IMMP2L: variants seen among roughly 807,000 people sequenced by gnomAD.
The protein encoded by IMMP2L is mitochondrial inner membrane protease subunit 2.
A neutral mutation model predicts 19.3 loss-of-function variants in IMMP2L; 18 were observed. The ratio of observed to expected loss-of-function variants is 0.93; its 90% confidence interval spans 0.64 to 1.38. IMMP2L has a LOEUF of 1.38. IMMP2L is among the 40% of genes most tolerant of loss of function. The pLI is 0.00. For synonymous variants in IMMP2L, 76 were observed against 73.0 expected (o/e 1.04, Z -0.21); for missense variants, 233 against 218.2 (o/e 1.07, Z -0.43).
At chr7:110,755,824 G>A (rs1798006138) in intron 5 of IMMP2L, among the ~76,000 whole-genome samples, 1 of 152,176 alleles carries the variant, frequency 6.6e-6, no homozygotes, top group African/African-American at 2.4e-5. Flanking sequence ...AGGGATTAGA[G>A]GCCATGCAAA....
At chr7:111,036,614 A>T (rs574422788) in intron 3 of IMMP2L, among the ~76,000 whole-genome samples, 8 of 152,280 alleles carry the variant, frequency 5.3e-5, no homozygotes, top group Middle Eastern at 6.8e-3. Flanking sequence ...AAAAGTCTCA[A>T]AACTAAAGTA....
chr7:111,481,597 TG>T (rs1459985933), intron 3 of IMMP2L, among the ~76,000 whole-genome samples: 2 of 150,318 alleles, frequency 1.3e-5, no homozygotes, highest in Non-Finnish European at 2.9e-5. Context: ...AAAAATATTA[TG>T]TTTTTTTTTT....
intron 5 of IMMP2L, among the ~76,000 whole-genome samples, chr7:110,769,143 G>A (rs973394035): frequency 3.3e-5 from 5 of 152,126 alleles, no homozygotes; most frequent in Admixed American, 2.6e-4. Flanking sequence ...CATTTCTTCT[G>A]CTGCTTTTCT....
intron 3 of IMMP2L, among the ~76,000 whole-genome samples, chr7:111,419,738 G>A (rs570831864): frequency 4.0e-5 from 6 of 151,308 alleles, no homozygotes; most frequent in South Asian, 2.1e-4. Context: ...CAGGACCACC[G>A]GAGACCTTGT....
chr7:111,501,751 T>C (rs1361462006), intron 2 of IMMP2L, among the ~76,000 whole-genome samples: 2 of 152,068 alleles, frequency 1.3e-5, no homozygotes, highest in Non-Finnish European at 2.9e-5. Context: ...AGAAATAAAA[T>C]ACTTTACAGA....
At chr7:111,457,474 G>A (rs1200271996) in intron 3 of IMMP2L, among the ~76,000 whole-genome samples, 2 of 152,126 alleles carry the variant, frequency 1.3e-5, no homozygotes, top group African/African-American at 4.8e-5. Flanking sequence ...AAACTAGAAG[G>A]TTTTAAGGAT....
intron 3 of IMMP2L, among the ~76,000 whole-genome samples, chr7:111,240,373 A>G (rs147379332): frequency 6.7e-4 from 102 of 152,100 alleles, no homozygotes; most frequent in African/African-American, 2.3e-3. Context: ...CATTTTACAC[A>G]TAAGAAAAAA....
At position 110,859,415 on chromosome 7, in the gene IMMP2L, A is replaced by G. The variant is rs548408296; in HGVS notation, c.408+27178T>C. Among the ~76,000 whole-genome samples the G allele has an allele frequency of 7.2e-5, 11 of 152,042 alleles. No individual in the cohort carries two copies. In the East Asian group the frequency reaches 2.1e-3, roughly 29 times the overall value. Reference sequence around the variant, plus strand: ...TTCAGAGCAAAATTTGAGACTAAAAAGTTTAGTACAAATATTGATTTTTTG... The same window carrying G: ...TTCAGAGCAAAATTTGAGACTAAAAGGTTTAGTACAAATATTGATTTTTTG... On this transcript the variant is annotated intron_variant, in intron 5 of 5. Coordinates refer to ENST00000405709, the MANE Select transcript of IMMP2L (RefSeq NM_032549.4).
chr7:111,381,380 G>A (rs1191486300), intron 3 of IMMP2L, among the ~76,000 whole-genome samples: 1 of 151,954 alleles, frequency 6.6e-6, no homozygotes, highest in Non-Finnish European at 1.5e-5. Flanking sequence ...CGTGTCTACT[G>A]AGCATTTGAA....
At chr7:111,252,674 T>C (rs891006947) in intron 3 of IMMP2L, among the ~76,000 whole-genome samples, 7 of 152,146 alleles carry the variant, frequency 4.6e-5, no homozygotes, top group African/African-American at 1.7e-4. Flanking sequence ...TAAATTAAAA[T>C]TCTATTTTTG....
chr7:111,016,073 G>T (rs1013989425), intron 3 of IMMP2L, among the ~76,000 whole-genome samples: 3 of 152,008 alleles, frequency 2.0e-5, no homozygotes, highest in African/African-American at 7.2e-5. Flanking sequence ...AAATTTCAAG[G>T]ATAAAAATAT....
intron 2 of IMMP2L, among the ~76,000 whole-genome samples, chr7:111,517,408 A>C (rs1845963525): frequency 2.0e-5 from 3 of 151,782 alleles, no homozygotes; most frequent in Admixed American, 1.3e-4. Flanking sequence ...AAATGAAAAA[A>C]GGAAAATGGT....
At position 110,793,020 on chromosome 7, in the gene IMMP2L, A is replaced by G. The variant is rs1360291679; in HGVS notation, c.408+93573T>C. On this transcript the variant is annotated intron_variant, in intron 5 of 5. Transcript: ENST00000405709. The stretch of plus-strand genomic sequence containing the variant: ...ATGATCTCACTTACACATGGAATCT[A>G]AAAAAGTTGAATACATAGAAACAGA... Among the ~76,000 whole-genome samples, 3 of 152,124 alleles carry G rather than the reference A, an allele frequency of 2.0e-5. 1 individual carries two copies. The highest frequency in any genetic ancestry group is 4.4e-5 in the Non-Finnish European group (3 of 68,026).
chr7:111,250,488 T>C (rs892323537), intron 3 of IMMP2L, among the ~76,000 whole-genome samples: 7 of 152,138 alleles, frequency 4.6e-5, no homozygotes, highest in Non-Finnish European at 1.0e-4. Context: ...GGTATCACAC[T>C]ACCTGACTTC....
At chr7:110,753,813 C>T (rs1352608857) in intron 5 of IMMP2L, among the ~76,000 whole-genome samples, 7 of 150,950 alleles carry the variant, frequency 4.6e-5, no homozygotes, top group East Asian at 1.9e-4. Flanking sequence ...CAAAATAGGG[C>T]GGGAATATAG....
intron 1 of IMMP2L, among the ~76,000 whole-genome samples, chr7:111,528,838 T>G (rs1847129755): frequency 6.6e-6 from 1 of 152,156 alleles, no homozygotes; most frequent in East Asian, 1.9e-4. Context: ...TCAATCATCA[T>G]AAGCCTACAC....
chr7:110,691,033 A>G (rs1406591908), intron 5 of IMMP2L, among the ~76,000 whole-genome samples: 3 of 152,146 alleles, frequency 2.0e-5, no homozygotes, highest in Non-Finnish European at 4.4e-5. Context: ...AACAAAAAGA[A>G]TAAATCTGGA....
intron 3 of IMMP2L, among the ~76,000 whole-genome samples, chr7:111,151,244 G>C (rs1804038916): frequency 6.6e-6 from 1 of 152,270 alleles, no homozygotes; most frequent in East Asian, 1.9e-4. Context: ...ATAGCCATTT[G>C]GGATCATACA....
At chr7:110,943,898 T>C (rs1030528293) in intron 4 of IMMP2L, among the ~76,000 whole-genome samples, 2 of 152,036 alleles carry the variant, frequency 1.3e-5, no homozygotes, top group Admixed American at 1.3e-4. Flanking sequence ...TGTTCTTTAC[T>C]ACTTGCTTTC....
Sources: gnomAD v4.1 joint callset for allele counts (sites outside exome capture counted in the v4.1 genomes callset) on GRCh38, gnomAD v4.1.1 for gene constraint, MANE v1.5 for transcripts, NCBI Gene and HGNC (gene_info 2026-07-23, HGNC 2026-07-21) for gene names.